Variants in BNC2 observed in about 807,000 individuals in gnomAD.
BNC2 encodes basonuclin zinc finger protein 2.
A neutral mutation model predicts 76.3 loss-of-function variants in BNC2; 20 were observed. That is an observed-to-expected ratio of 0.26 (90% CI 0.18 to 0.38). The LOEUF (loss-of-function observed/expected upper bound fraction) is 0.38. BNC2 is among the 10% of genes least tolerant of loss of function. BNC2 has a pLI of 1.00. For synonymous variants in BNC2, 582 were observed against 514.8 expected (o/e 1.13, Z -1.77); for missense variants, 1,382 against 1,399.8 (o/e 0.99, Z 0.20).
At chr9:16,818,739 C>G (rs1251384482) in intron 1 of BNC2, among the ~76,000 whole-genome samples, 1 of 152,122 alleles carries the variant, frequency 6.6e-6, no homozygotes, top group Non-Finnish European at 1.5e-5. Flanking sequence ...GTTGCCCAGG[C>G]TGGTCTCAAA....
intron 3 of BNC2, among the ~76,000 whole-genome samples, chr9:16,701,162 T>C (rs1301071694): frequency 1.3e-5 from 2 of 152,174 alleles, no homozygotes; most frequent in African/African-American, 2.4e-5. Context: ...TGTGGCTCTA[T>C]CTCTTTTCAT....
chr9:16,591,508 T>C (rs1034870177), intron 3 of BNC2, among the ~76,000 whole-genome samples: 7 of 152,180 alleles, frequency 4.6e-5, no homozygotes, highest in African/African-American at 1.4e-4. Context: ...TATAAATCTA[T>C]AGTTTTAGTA....
rs113777392 is a variant in BNC2 at position 16,418,899 on chromosome 9, A to ACACACACACACACACC, written c.*89_*90insGGTGTGTGTGTGTGTG. The ACACACACACACACACC allele has an allele frequency of 5.7e-6, 8 of 1,401,494 alleles. No homozygotes were observed. In the East Asian group the frequency reaches 1.1e-4, roughly 20 times the overall value. 86.8% of individuals were successfully genotyped at this position (1,401,494 alleles called of 1,614,324 possible). On this transcript the variant is annotated 3_prime_UTR_variant, in exon 7 of 7. Transcript: ENST00000380672. ...CACACACACACACACACACACACACACCCCAAGTACATAAGCGCACACTGA... is the reference window on the plus strand; with the variant it reads ...CACACACACACACACACACACACACACACACACACACACACCCCCCAAGTACATAAGCGCACACTGA...
In BNC2 at chr9:16,498,959, C is replaced by T. The variant is rs530657990; in HGVS notation, c.669+53571G>A. ...GTGAATACAAACAACAGAAACTCTA[C>T]AAATACTAGACAGATTGAACATATT... On this transcript the variant is annotated intron_variant, in intron 5 of 6. Transcript: ENST00000380672. Among the ~76,000 whole-genome samples the T allele has an allele frequency of 1.1e-4, 17 of 152,276 alleles. No homozygotes were observed. In the South Asian group the frequency reaches 2.5e-3, roughly 22 times the overall value.
intron 1 of BNC2, among the ~76,000 whole-genome samples, chr9:16,816,166 G>A (rs977187054): frequency 2.0e-5 from 3 of 152,144 alleles, no homozygotes; most frequent in Non-Finnish European, 4.4e-5. Flanking sequence ...CTGGAGTAAA[G>A]CCTAATCACT....
intron 1 of BNC2, among the ~76,000 whole-genome samples, chr9:16,791,252 G>A (rs1025460224): frequency 2.0e-5 from 3 of 151,764 alleles, no homozygotes; most frequent in Non-Finnish European, 2.9e-5. Context: ...TAGTAGAGAC[G>A]GGGTTTCACC....
chr9:16,603,927 A>G lies in BNC2; in HGVS notation c.331-20842T>C, dbSNP rs572258022. Among the ~76,000 whole-genome samples, 13 of 152,298 alleles carry G rather than the reference A, an allele frequency of 8.5e-5. No homozygotes were observed. In the East Asian group the frequency reaches 2.5e-3, roughly 29 times the overall value. On this transcript the variant is annotated intron_variant, in intron 3 of 6. Transcript: ENST00000380672. ...GTCACAGTACTGCTTAAAATGTTAG[A>G]AATTTCATATAAATTGTCCATTTTT...
At chr9:16,828,022 A>T (rs1466712806) in intron 1 of BNC2, among the ~76,000 whole-genome samples, 1 of 152,198 alleles carries the variant, frequency 6.6e-6, no homozygotes, top group African/African-American at 2.4e-5. Context: ...TACTACTAAC[A>T]CTAAATGATC....
intron 5 of BNC2, among the ~76,000 whole-genome samples, chr9:16,456,065 C>CT (rs36020058): frequency 0.62 from 94,892 of 151,930 alleles, 32,269 homozygotes; most frequent in African/African-American, 0.91. Context: ...GGACTTTGTT[C>CT]TTACTCATCA....
At chr9:16,767,660 A>C (rs2135432234) in intron 1 of BNC2, among the ~76,000 whole-genome samples, 1 of 152,282 alleles carries the variant, frequency 6.6e-6, no homozygotes, top group African/African-American at 2.4e-5. Flanking sequence ...GTAAAGCCAA[A>C]ATTTGCTGTG....
chr9:16,824,270 T>C (rs1252668340), intron 1 of BNC2, among the ~76,000 whole-genome samples: 4 of 152,162 alleles, frequency 2.6e-5, no homozygotes, highest in Admixed American at 6.5e-5. Flanking sequence ...TTTTTAATGT[T>C]TGGTCATTTT....
chr9:16,568,166 A>T (rs936443306), intron 4 of BNC2, among the ~76,000 whole-genome samples: 1 of 152,130 alleles, frequency 6.6e-6, no homozygotes, highest in African/African-American at 2.4e-5. Context: ...GTCAGCTTTT[A>T]GGAGCTCTGG....
chr9:16,664,017 G>A (rs1437463968), intron 3 of BNC2, among the ~76,000 whole-genome samples: 1 of 152,154 alleles, frequency 6.6e-6, no homozygotes, highest in African/African-American at 2.4e-5. Flanking sequence ...ATTATTATTA[G>A]AGATTAGTTA....
At chr9:16,708,150 GT>G (rs1335577989) in intron 3 of BNC2, among the ~76,000 whole-genome samples, 1 of 152,168 alleles carries the variant, frequency 6.6e-6, no homozygotes, top group African/African-American at 2.4e-5. Flanking sequence ...GGTGCCCAGA[GT>G]TTTGTAGAAA....
rs1563888043 is a variant in BNC2, at chr9:16,665,478, GAA to G, written c.330+62317_330+62318del. ...AGAAAGAAAGAAAGAAAGAAAGAAA[GAA>G]AGAAAGAAAGAGAGAGAGAGAAATC... On this transcript the variant is annotated intron_variant, in intron 3 of 6. Coordinates refer to ENST00000380672, the MANE Select transcript of BNC2 (RefSeq NM_017637.6). Among the ~76,000 whole-genome samples, 176 of 127,458 alleles carry G rather than the reference GAA, an allele frequency of 1.4e-3. 2 individuals carry two copies. Among genetic ancestry groups the G allele is most frequent in the African/African-American group, 4.9e-3 (153 of 31,364 alleles). The allele number at this position is 127,458 out of a possible 152,430, so 83.6% of individuals were successfully genotyped here.
intron 3 of BNC2, among the ~76,000 whole-genome samples, chr9:16,709,772 A>G (rs776623476): frequency 2.0e-5 from 3 of 152,300 alleles, no homozygotes; most frequent in Non-Finnish European, 2.9e-5. Flanking sequence ...GTATGATCAG[A>G]CTTAAATTTT....
At chr9:16,815,805 A>C (rs1374306437) in intron 1 of BNC2, among the ~76,000 whole-genome samples, 1 of 152,200 alleles carries the variant, frequency 6.6e-6, no homozygotes, top group Non-Finnish European at 1.5e-5. Flanking sequence ...GGTTAGCAAA[A>C]ACTGGTAAGG....
At chr9:16,811,552 C>CAAAAAAAA (rs1179927173) in intron 1 of BNC2, among the ~76,000 whole-genome samples, 14 of 57,974 alleles carry the variant, frequency 2.4e-4, no homozygotes, top group Non-Finnish European at 2.6e-4. Context: ...AACTCCATCT[C>CAAAAAAAA]AAAAAAAAAA....
intron 4 of BNC2, among the ~76,000 whole-genome samples, chr9:16,582,008 C>T (rs145772377): frequency 0.011 from 1,730 of 152,150 alleles, 17 homozygotes; most frequent in Admixed American, 0.018. Context: ...AAAAGCATTT[C>T]GAGGCATGGC....
Sources: gnomAD v4.1 joint callset for allele counts (sites outside exome capture counted in the v4.1 genomes callset) on GRCh38, gnomAD v4.1.1 for gene constraint, MANE v1.5 for transcripts, NCBI Gene and HGNC (gene_info 2026-07-23, HGNC 2026-07-21) for gene names.